Variants in DDX60 observed in about 807,000 individuals in gnomAD.
DDX60 encodes DExD/H-box helicase 60.
DDX60 carries 165 observed loss-of-function variants against 212.8 expected under a neutral mutation model. The ratio of observed to expected loss-of-function variants is 0.78; its 90% CI spans 0.68 to 0.88. The LOEUF is 0.88. Ranked by LOEUF, DDX60 falls within the 40% of genes least tolerant of loss-of-function variation. The pLI is 0.00. For synonymous variants in DDX60, 703 were observed against 685.3 expected (o/e 1.03, Z -0.40); for missense variants, 1,905 against 2,003.9 (o/e 0.95, Z 0.94).
intron 13 of DDX60, among the ~76,000 whole-genome samples, chr4:168,282,347 T>C (rs911651181): frequency 6.6e-6 from 1 of 152,198 alleles, no homozygotes; most frequent in African/African-American, 2.4e-5. Flanking sequence ...TGATGAACTA[T>C]CTGTCTCTCG....
At chr4:168,280,628 A>G in intron 13 of DDX60, 38 bp from the exon 14 acceptor site, 1 of 1,560,290 alleles carries the variant, frequency 6.4e-7, no homozygotes, top group Non-Finnish European at 8.6e-7. Flanking sequence ...AGACAAGTTG[A>G]AAATATTCCA....
At chr4:168,305,687 G>A (rs189837725) in intron 5 of DDX60, among the ~76,000 whole-genome samples, 52 of 148,902 alleles carry the variant, frequency 3.5e-4, no homozygotes, top group African/African-American at 1.1e-3. Context: ...AAATATATCC[G>A]TATGCATATT....
At chr4:168,218,548 A>G (rs1732932466) in intron 37 of DDX60, among the ~76,000 whole-genome samples, 1 of 152,158 alleles carries the variant, frequency 6.6e-6, no homozygotes, top group Non-Finnish European at 1.5e-5. Context: ...CACATATATA[A>G]TCCGCATGCT....
At chr4:168,307,894 G>T in intron 4 of DDX60, 112 bp downstream of exon 4, 1 of 545,058 alleles carries the variant, frequency 1.8e-6, no homozygotes, top group Non-Finnish European at 2.8e-6. Context: ...TCAATTTTCT[G>T]AACTTTTATA....
chr4:168,238,548 G>A (rs1202007270), intron 30 of DDX60, among the ~76,000 whole-genome samples: 2 of 151,798 alleles, frequency 1.3e-5, no homozygotes, highest in African/African-American at 4.8e-5. Context: ...AAGAGTGGAA[G>A]CGTAGAAGAA....
chr4:168,249,348 TTGTCATACATGCCAA>T (rs1357129051), intron 28 of DDX60, among the ~76,000 whole-genome samples: 2 of 152,200 alleles, frequency 1.3e-5, no homozygotes, highest in Non-Finnish European at 2.9e-5. Flanking sequence ...TTTATATTGA[TTGTCATACATGCCAA>T]TGGTTAGTAT....
intron 22 of DDX60, among the ~76,000 whole-genome samples, chr4:168,264,818 TCTC>T (rs1734771689): frequency 6.6e-6 from 1 of 152,178 alleles, no homozygotes; most frequent in African/African-American, 2.4e-5. Context: ...ATTCAGTTGT[TCTC>T]CACTACACAG....
intron 11 of DDX60, 96 bp from the exon 12 acceptor site, chr4:168,285,031 CCTT>C (rs1253468007): frequency 2.8e-5 from 18 of 634,496 alleles, no homozygotes; most frequent in Non-Finnish European, 4.2e-5. Flanking sequence ...TCATAGTTCC[CCTT>C]CTTCTTTCTG....
Position 168,227,079 on chromosome 4 carries a change from G to A in DDX60, c.4534-1403C>T, listed in dbSNP as rs147731658. ...AAAAAGTTGGTGTTATTCTCTTTACGATAAAAATCATGCATATTTAAGATA... is the reference window on the plus strand; with the variant it reads ...AAAAAGTTGGTGTTATTCTCTTTACAATAAAAATCATGCATATTTAAGATA... On this transcript the variant is annotated intron_variant, in intron 33 of 37. Transcript: ENST00000393743. Among the ~76,000 whole-genome samples, 478 of 152,024 alleles carry A rather than the reference G, an allele frequency of 3.1e-3. 2 individuals are homozygous for A. Among genetic ancestry groups the A allele is most frequent in the Admixed American group, 0.01 (159 of 15,244 alleles).
In DDX60 at chr4:168,268,938, T is replaced by C; in HGVS notation, c.2702A>G (p.Glu901Gly). Residue 901 changes from glutamate (E) to glycine (G), a missense_variant, in exon 20 of 38, where the codon GAA becomes GGA. Coordinates refer to ENST00000393743, the MANE Select transcript of DDX60 (RefSeq NM_017631.6). The part of the protein sequence containing the change: ...VHCLGGEIGA[E>G]IWEHLLVMIR... ...CATGACAAGGAGATGTTCCCAGATT[T>C]CTGCTCCAATTTCTCCACCAAGACA... 6.3e-7 allele frequency: 1 copy of C among 1,591,442 alleles called. No individual in the cohort carries two copies. Among genetic ancestry groups the C allele is most frequent in the Non-Finnish European group, 8.6e-7 (1 of 1,165,736 alleles).
rs528258249 is a variant in DDX60 at position 168,318,173 on chromosome 4, C to G, written c.-107+449G>C. Among the ~76,000 whole-genome samples the G allele has an allele frequency of 2.7e-3, 414 of 152,272 alleles. 2 individuals are homozygous for G. The highest frequency in any genetic ancestry group is 5.1e-3 in the Non-Finnish European group (345 of 68,016). ...GAAATTTAAGGGTGCACAGAAATTA[C>G]CTGGGGGAATCTTATTAATAAACGC... On this transcript the variant is annotated intron_variant, in intron 1 of 37. Transcript: ENST00000393743.
chr4:168,246,294 A>G, intron 30 of DDX60, 124 bp downstream of exon 30: 5 of 1,127,814 alleles, frequency 4.4e-6, no homozygotes, highest in Non-Finnish European at 6.4e-6. Flanking sequence ...TCAAGACATT[A>G]CAAAACATTA....
chr4:168,275,555 T>C lies in DDX60; in HGVS notation c.2146-52A>G, dbSNP rs748718481. 15 of 1,451,744 alleles carry C rather than the reference T, an allele frequency of 1.0e-5. No individual in the cohort carries two copies. In the African/African-American group the frequency reaches 2.0e-4, roughly 19 times the overall value. 89.9% of individuals were successfully genotyped at this position (1,451,744 alleles called of 1,614,324 possible). On this transcript the variant is annotated intron_variant, in intron 15 of 37. Transcript: ENST00000393743. ...AAAATGACATTGAATTAGAATATCA[T>C]TTAAATAAGTAAAACATTTATTACT...
Position 168,293,797 on chromosome 4 carries a change from TCA to T in DDX60, c.870_871del (p.Glu291AspfsTer7). ...TTATAAAAACCACACCTGTTGGATCTCAGTTTCCTGACCAGAGGAGGGCTCTC... is the reference window on the plus strand; with the variant it reads ...TTATAAAAACCACACCTGTTGGATCTGTTTCCTGACCAGAGGAGGGCTCTC... On this transcript the variant is annotated frameshift_variant, in exon 7 of 38. Transcript: ENST00000393743. LOFTEE classifies it high-confidence loss of function. The T allele has an allele frequency of 6.2e-7, 1 of 1,606,342 alleles. No individual in the cohort carries two copies. The highest frequency in any genetic ancestry group is 8.5e-7 in the Non-Finnish European group (1 of 1,177,820).
intron 6 of DDX60, among the ~76,000 whole-genome samples, chr4:168,300,950 A>G (rs72693168): frequency 0.2 from 30,212 of 152,072 alleles, 3,153 homozygotes; most frequent in Admixed American, 0.25. Context: ...GCTCCAAAAC[A>G]GGGTGAGTCA....
intron 8 of DDX60, 86 bp downstream of exon 8, chr4:168,291,656 GTAGTCC>G (rs1310466713): frequency 5.0e-6 from 6 of 1,206,334 alleles, no homozygotes; most frequent in Non-Finnish European, 6.7e-6. Context: ...GGGGCTAATA[GTAGTCC>G]CACATAAGAG....
chr4:168,238,604 G>A (rs893511479), intron 30 of DDX60, among the ~76,000 whole-genome samples: 1 of 151,814 alleles, frequency 6.6e-6, no homozygotes, highest in Admixed American at 6.6e-5. Flanking sequence ...TATTTTTGAG[G>A]GCACCATATC....
intron 1 of DDX60, 112 bp downstream of exon 1, chr4:168,318,510 G>A (rs116571962): frequency 0.033 from 5,058 of 152,406 alleles, 103 homozygotes; most frequent in Middle Eastern, 0.099. Flanking sequence ...CCCGCGCCCC[G>A]AGCCCAGCAC....
chr4:168,232,931 A>G lies in DDX60; in HGVS notation c.4533+3321T>C, dbSNP rs565119093. Among the ~76,000 whole-genome samples the G allele has an allele frequency of 3.9e-5, 6 of 152,234 alleles. No individual in the cohort carries two copies. In the East Asian group the frequency reaches 1.2e-3, roughly 29 times the overall value. Reference sequence around the variant, plus strand: ...AGCAGAGTAAACAGACAGCCCACAGAGTGGGAGAAAATCACAAACTATCCA... The same window carrying G: ...AGCAGAGTAAACAGACAGCCCACAGGGTGGGAGAAAATCACAAACTATCCA... On this transcript the variant is annotated intron_variant, in intron 33 of 37. Coordinates refer to ENST00000393743, the MANE Select transcript of DDX60 (RefSeq NM_017631.6).
Sources: allele counts gnomAD v4.1 joint callset (sites outside exome capture counted in the v4.1 genomes callset), GRCh38; gene constraint gnomAD v4.1.1; transcripts MANE v1.5; gene names NCBI Gene and HGNC (gene_info 2026-07-23, HGNC 2026-07-21).